Variants in RC3H2 observed in about 807,000 individuals in gnomAD.
RC3H2 encodes roquin-2.
RC3H2 carries 31 observed loss-of-function variants against 133.3 expected under a neutral mutation model. The observed-to-expected ratio is 0.23, with a 90% CI of 0.17 to 0.31. The LOEUF (loss-of-function observed/expected upper bound fraction) is 0.31, where lower values mean the gene tolerates loss of function less well. RC3H2 is among the 10% of genes least tolerant of loss of function. The pLI, the probability that RC3H2 is intolerant of heterozygous loss-of-function variation, is 1.00. For synonymous variants in RC3H2, 517 were observed against 502.2 expected (o/e 1.03, Z -0.40); for missense variants, 1,175 against 1,437.2 (o/e 0.82, Z 2.95).
chr9:122,897,257 T>C, intron 2 of RC3H2, 22 bp downstream of exon 2: 3 of 1,611,044 alleles, frequency 1.9e-6, no homozygotes, highest in African/African-American at 1.3e-5. Context: ...CACCAACCTA[T>C]AGTAAAATCT....
chr9:122,877,423 T>A, intron 9 of RC3H2, 48 bp downstream of exon 9: 1 of 1,485,098 alleles, frequency 6.7e-7, no homozygotes, highest in South Asian at 1.1e-5. Flanking sequence ...AACATTCCCA[T>A]AAAAATCAAA....
In RC3H2 at chr9:122,848,287, G is replaced by C. The variant is rs1480931707; in HGVS notation, c.*1340C>G. 1 of 152,070 alleles carries C rather than the reference G, an allele frequency of 6.6e-6. No individual in the cohort carries two copies. The highest frequency in any genetic ancestry group is 6.6e-5 in the Admixed American group (1 of 15,256). The allele number at this position is 152,070 out of a possible 1,614,324, so 9.4% of individuals were successfully genotyped here. A position where few individuals can be genotyped will look rare whatever the true frequency, so the allele number is the denominator to read the frequency against. ...AAGTCAAACTAATCTTAAAGAAACA[G>C]AAGAAAAACAGATAGATAAACTATA... is the stretch of plus-strand genomic sequence containing the variant. On this transcript the variant is annotated 3_prime_UTR_variant, in exon 21 of 21. Coordinates refer to ENST00000357244, the MANE Select transcript of RC3H2 (RefSeq NM_001100588.3).
At chr9:122,851,280 T>G in intron 19 of RC3H2, 43 bp downstream of exon 19, 1 of 1,611,940 alleles carries the variant, frequency 6.2e-7, no homozygotes, top group African/African-American at 1.3e-5. Flanking sequence ...TTATAAATTT[T>G]CAATCAAACA....
At chr9:122,897,187 C>T in intron 2 of RC3H2, 92 bp downstream of exon 2, 2 of 1,088,608 alleles carry the variant, frequency 1.8e-6, no homozygotes, top group African/African-American at 1.6e-5. Context: ...TCCTGGGCCA[C>T]ATGTAGCCTG....
intron 10 of RC3H2, among the ~76,000 whole-genome samples, chr9:122,864,899 C>T (rs1830581254): frequency 6.6e-6 from 1 of 152,054 alleles, no homozygotes; most frequent in African/African-American, 2.4e-5. Context: ...GCTGGGATTA[C>T]AGGTGTGAAC....
chr9:122,865,582 G>C lies in RC3H2; in HGVS notation c.1401C>G (p.Asn467Lys). ...FPLLNKVGVN[N>K]TVTTTAGNVI... The stretch of plus-strand genomic sequence containing the variant: ...CATTTCCGGCTGTGGTTGTGACAGT[G>C]TTGTTTACACCAACTTTATTTAGAA... Residue 467 changes from asparagine (N) to lysine (K), a missense_variant, in exon 10 of 21, where the codon AAC (asparagine) becomes AAG (lysine). Coordinates refer to ENST00000357244, the MANE Select transcript of RC3H2 (RefSeq NM_001100588.3). The C allele has an allele frequency of 6.2e-7, 1 of 1,614,132 alleles. No homozygotes were observed. The highest frequency in any genetic ancestry group is 8.5e-7 in the Non-Finnish European group (1 of 1,180,016).
At chr9:122,901,546 C>G (rs144526212) in intron 1 of RC3H2, among the ~76,000 whole-genome samples, 270 of 149,624 alleles carry the variant, frequency 1.8e-3, no homozygotes, top group African/African-American at 5.9e-3. Flanking sequence ...TGTGGTTGAA[C>G]TGTTTTAAAA....
At chr9:122,898,419 G>GA (rs1323650979) in intron 1 of RC3H2, among the ~76,000 whole-genome samples, 2 of 151,926 alleles carry the variant, frequency 1.3e-5, no homozygotes, top group Non-Finnish European at 2.9e-5. Flanking sequence ...AAGGCACATA[G>GA]AAAAAAACAG....
chr9:122,871,632 A>G (rs1831103876), intron 9 of RC3H2, among the ~76,000 whole-genome samples: 1 of 151,250 alleles, frequency 6.6e-6, no homozygotes, highest in Admixed American at 6.6e-5. Flanking sequence ...CAAATGTTGT[A>G]TCTTCTAAGA....
rs1454364701 is a variant in RC3H2, at chr9:122,847,512, C to T, written c.*2115G>A. On this transcript the variant is annotated 3_prime_UTR_variant, in exon 21 of 21. Transcript: ENST00000357244. ...GAAATAGACAGACTGGTTTGCATAT[C>T]CTTTTTGGAATTACAAACAGCAAAT... is the stretch of plus-strand genomic sequence containing the variant. The T allele has an allele frequency of 6.6e-6, 1 of 151,982 alleles. No individual in the cohort carries two copies. 9.4% of individuals were successfully genotyped at this position (151,982 alleles called of 1,614,324 possible).
At chr9:122,873,129 T>G (rs1037344173) in intron 9 of RC3H2, among the ~76,000 whole-genome samples, 1 of 152,126 alleles carries the variant, frequency 6.6e-6, no homozygotes, top group Non-Finnish European at 1.5e-5. Flanking sequence ...GTAAAATTAA[T>G]TTATTTAAGT....
chr9:122,884,407 G>C (rs1291365746), intron 4 of RC3H2, among the ~76,000 whole-genome samples: 1 of 152,164 alleles, frequency 6.6e-6, no homozygotes, highest in South Asian at 2.1e-4. Context: ...TTGCCTGTCA[G>C]AACTATTTTG....
chr9:122,901,514 A>G (rs182812378), intron 1 of RC3H2, among the ~76,000 whole-genome samples: 134 of 152,052 alleles, frequency 8.8e-4, no homozygotes, highest in African/African-American at 2.8e-3. Context: ...TATGACTCAA[A>G]TTTTACTTCT....
chr9:122,850,039 T>G (rs1168065813), intron 20 of RC3H2, among the ~76,000 whole-genome samples: 1 of 151,216 alleles, frequency 6.6e-6, no homozygotes. Flanking sequence ...TGCAGTGGCA[T>G]GATCTCGGCT....
At chr9:122,875,949 G>A (rs1831314384) in intron 9 of RC3H2, among the ~76,000 whole-genome samples, 2 of 152,336 alleles carry the variant, frequency 1.3e-5, no homozygotes, top group South Asian at 2.1e-4. Context: ...GGTGGTATGA[G>A]TAAATCTGTG....
chr9:122,876,505 G>A (rs1831344225), intron 9 of RC3H2, among the ~76,000 whole-genome samples: 1 of 151,866 alleles, frequency 6.6e-6, no homozygotes, highest in South Asian at 2.1e-4. Context: ...GTGGGCGCCT[G>A]TGGTTCCAGC....
intron 20 of RC3H2, among the ~76,000 whole-genome samples, chr9:122,850,435 T>TAGAGATAGATAGATAGATAG (rs1554766976): frequency 2.0e-5 from 3 of 149,862 alleles, no homozygotes; most frequent in African/African-American, 7.5e-5. Flanking sequence ...GCTATCTATC[T>TAGAGATAGATAGATAGATAG]ATAGATAGAT....
Position 122,858,842 on chromosome 9 carries a change from G to C in RC3H2, c.2110C>G (p.Pro704Ala), listed in dbSNP as rs950807635. The C allele has an allele frequency of 6.8e-6, 11 of 1,614,284 alleles. No individual in the cohort carries two copies. The East Asian group carries it at 2.5e-4, about 36-fold the overall frequency. The change falls in exon 12 of 21, where the codon CCT (proline) becomes GCT (alanine). Residue 704 changes from proline to alanine, a missense_variant. This residue lies in a region of RC3H2 where 490 missense variants were observed against 492.8 expected (regional missense o/e 0.99). Coordinates refer to ENST00000357244, the MANE Select transcript of RC3H2 (RefSeq NM_001100588.3). ...VYDSRRIWRP[P>A]MYQRDDIIRS... is the part of the protein sequence containing the mutation. The stretch of plus-strand genomic sequence containing the variant: ...ATAATGTCATCTCGTTGGTACATAG[G>C]TGGGCGCCAGATGCGCCTGCTGTCG...
At chr9:122,894,903 T>C (rs191283369) in intron 2 of RC3H2, among the ~76,000 whole-genome samples, 5 of 151,686 alleles carry the variant, frequency 3.3e-5, no homozygotes, top group Admixed American at 1.3e-4. Context: ...AAAAAGAAAA[T>C]GGAGACAGAC....
Sources: allele counts gnomAD v4.1 joint callset (sites outside exome capture counted in the v4.1 genomes callset), GRCh38; gene constraint gnomAD v4.1.1; regional missense constraint gnomAD v4.1.1; transcripts MANE v1.5; gene names NCBI Gene and HGNC (gene_info 2026-07-23, HGNC 2026-07-21).